Variants in SIK3 observed in about 807,000 individuals in gnomAD.
SIK3 encodes the protein serine/threonine-protein kinase SIK3.
Under a neutral mutation model 144.2 loss-of-function variants are expected in SIK3, and 28 were observed. That is an observed-to-expected ratio of 0.19 (90% CI 0.14 to 0.27). SIK3 has a LOEUF of 0.27. Among genes scored for constraint, SIK3 ranks in the 10% least tolerant of loss-of-function variants. The pLI is 1.00. For synonymous variants in SIK3, 686 were observed against 676.3 expected (o/e 1.01, Z -0.22); for missense variants, 1,319 against 1,776.0 (o/e 0.74, Z 4.62).
intron 1 of SIK3, among the ~76,000 whole-genome samples, chr11:117,091,821 C>T (rs1955261064): frequency 1.3e-5 from 2 of 152,080 alleles, no homozygotes; most frequent in Admixed American, 1.3e-4. Context: ...TTCACTCTGT[C>T]ACCCAGGCTG....
rs985752768 is a variant in SIK3 at position 116,845,604 on chromosome 11, T to C, written c.*39A>G. 6.6e-6 allele frequency: 1 copy of C among 152,230 alleles called. No individual in the cohort carries two copies. The highest frequency in any genetic ancestry group is 6.5e-5 in the Admixed American group (1 of 15,288). 9.4% of individuals were successfully genotyped at this position (152,230 alleles called of 1,614,324 possible). On this transcript the variant is annotated 3_prime_UTR_variant, in exon 25 of 25. Coordinates refer to ENST00000445177, the MANE Select transcript of SIK3 (RefSeq NM_001366686.3). ...GATACTGTGGGTTTACAATCAACCT[T>C]TTCATTCCCAAGCTGTACACAAAAC...
intron 1 of SIK3, among the ~76,000 whole-genome samples, chr11:117,075,942 G>A (rs546916648): frequency 1.4e-5 from 2 of 143,216 alleles, no homozygotes; most frequent in Admixed American, 1.5e-4. Flanking sequence ...TCCACCTCCT[G>A]GGTTCAAGCA....
chr11:117,041,283 G>A (rs1297643769), intron 1 of SIK3, among the ~76,000 whole-genome samples: 4 of 152,056 alleles, frequency 2.6e-5, no homozygotes, highest in African/African-American at 9.7e-5. Flanking sequence ...GGTTTCACAG[G>A]TAATGCATTT....
chr11:117,027,225 C>G (rs1175746986), intron 1 of SIK3, among the ~76,000 whole-genome samples: 1 of 152,188 alleles, frequency 6.6e-6, no homozygotes, highest in African/African-American at 2.4e-5. Flanking sequence ...CATCTCTGCT[C>G]TAACTATACA....
intron 15 of SIK3, among the ~76,000 whole-genome samples, chr11:116,866,467 A>G (rs1943647036): frequency 6.6e-6 from 1 of 152,140 alleles, no homozygotes; most frequent in Non-Finnish European, 1.5e-5. Flanking sequence ...ATTGAGACGG[A>G]GTCTCACTCT....
At chr11:117,044,615 GAA>G (rs59607640) in intron 1 of SIK3, among the ~76,000 whole-genome samples, 9 of 133,166 alleles carry the variant, frequency 6.8e-5, no homozygotes, top group Admixed American at 1.4e-4. Context: ...GTATCACCAA[GAA>G]AAAAAAAAAA....
chr11:116,999,689 T>C (rs747044559), intron 1 of SIK3, among the ~76,000 whole-genome samples: 90 of 152,202 alleles, frequency 5.9e-4, no homozygotes, highest in Non-Finnish European at 1.1e-3. Flanking sequence ...CCTTCCAAAG[T>C]GCTGGGATTA....
At chr11:116,870,238 A>G (rs543094678) in intron 14 of SIK3, 93 bp downstream of exon 14, 2 of 1,578,564 alleles carry the variant, frequency 1.3e-6, no homozygotes, top group African/African-American at 1.3e-5. Flanking sequence ...TTGAAGCTGC[A>G]CTCTACCACC....
chr11:116,917,426 G>C (rs1316048042), intron 4 of SIK3, among the ~76,000 whole-genome samples: 1 of 152,144 alleles, frequency 6.6e-6, no homozygotes, highest in Non-Finnish European at 1.5e-5. Flanking sequence ...CTACAGGTAA[G>C]AGGCTGGGCA....
intron 1 of SIK3, among the ~76,000 whole-genome samples, chr11:117,004,497 C>CA (rs1442620219): frequency 6.6e-6 from 1 of 151,944 alleles, no homozygotes; most frequent in African/African-American, 2.4e-5. Context: ...GCCTGGGTGA[C>CA]AAAGTGAGAC....
chr11:117,028,475 T>C (rs1952119094), intron 1 of SIK3, among the ~76,000 whole-genome samples: 1 of 151,792 alleles, frequency 6.6e-6, no homozygotes, highest in African/African-American at 2.4e-5. Context: ...ATGTAGGAGG[T>C]GGCAGAAAGA....
chr11:117,058,099 A>G (rs1298071433), intron 1 of SIK3, among the ~76,000 whole-genome samples: 1 of 152,206 alleles, frequency 6.6e-6, no homozygotes, highest in Admixed American at 6.5e-5. Flanking sequence ...CAGAGAAAAG[A>G]GCATATACAA....
chr11:116,895,594 T>TTG (rs149874218), intron 6 of SIK3, among the ~76,000 whole-genome samples: 11,332 of 152,240 alleles, frequency 0.074, 501 homozygotes, highest in Middle Eastern at 0.11. Context: ...ACTTTTTGCG[T>TTG]TCTCTAAAAT....
intron 1 of SIK3, among the ~76,000 whole-genome samples, chr11:117,013,903 G>T (rs200107053): frequency 0.015 from 774 of 52,770 alleles, 63 homozygotes; most frequent in African/African-American, 0.027. Context: ...ATTCTGAGGG[G>T]GGGGGGGGGA....
At chr11:117,068,732 T>G (rs1954128859) in intron 1 of SIK3, among the ~76,000 whole-genome samples, 1 of 152,246 alleles carries the variant, frequency 6.6e-6, no homozygotes, top group Admixed American at 6.5e-5. Flanking sequence ...CCAAACTGGG[T>G]GACAGAGTGA....
Position 116,875,981 on chromosome 11 carries a change from T to C in SIK3, c.1124A>G (p.Tyr375Cys), listed in dbSNP as rs746605300. ...ACACAGCAGGCTGTAGATTGCACTA[T>C]AGTGATCATAGGCATCTGATCTTAA... Reference protein sequence around the residue: ...QSLRSDAYDHYSAIYSLLCDR... With the variant: ...QSLRSDAYDHCSAIYSLLCDR... Residue 375 changes from tyrosine (Y) to cysteine (C), a missense_variant, in exon 9 of 25, where the codon TAT becomes TGT. Physicochemically the swap from Tyr to Cys is radical, Grantham distance 194. Coordinates refer to ENST00000445177, the MANE Select transcript of SIK3 (RefSeq NM_001366686.3). 5.6e-6 allele frequency: 9 copies of C among 1,613,482 alleles called. No homozygotes were observed. In the South Asian group the frequency reaches 8.8e-5, roughly 16 times the overall value.
At chr11:116,994,445 CCT>C (rs936746321) in intron 1 of SIK3, among the ~76,000 whole-genome samples, 5 of 152,134 alleles carry the variant, frequency 3.3e-5, no homozygotes, top group African/African-American at 1.2e-4. Context: ...GTTTTGTGAC[CCT>C]AAGAAAGGTG....
chr11:117,028,466 T>C (rs1322140026), intron 1 of SIK3, among the ~76,000 whole-genome samples: 1 of 151,834 alleles, frequency 6.6e-6, no homozygotes, highest in Non-Finnish European at 1.5e-5. Flanking sequence ...AGTACACCAA[T>C]GTAGGAGGTG....
chr11:116,878,028 T>C (rs12286581), intron 6 of SIK3, among the ~76,000 whole-genome samples: 10,783 of 152,186 alleles, frequency 0.071, 443 homozygotes, highest in Middle Eastern at 0.12. Flanking sequence ...TCAAACCAGA[T>C]AGCCTGACTC....
Sources: gnomAD v4.1 joint callset for allele counts (sites outside exome capture counted in the v4.1 genomes callset) on GRCh38, gnomAD v4.1.1 for gene constraint, MANE v1.5 for transcripts, NCBI Gene and HGNC (gene_info 2026-07-23, HGNC 2026-07-21) for gene names.